Variants in ATP10B observed in about 807,000 individuals in gnomAD.
ATP10B encodes ATPase phospholipid transporting 10B (putative).
A neutral mutation model predicts 141.2 loss-of-function variants in ATP10B; 122 were observed. That is an observed-to-expected ratio of 0.86 (90% CI 0.75 to 1.00). The LOEUF is 1.00. ATP10B is among the 50% of genes least tolerant of loss of function. The probability of loss-of-function intolerance (pLI) is 0.00; values close to 1 mark genes in which losing one functional copy is unlikely to be tolerated. For synonymous variants in ATP10B, 685 were observed against 692.0 expected (o/e 0.99, Z 0.16); for missense variants, 1,876 against 1,825.3 (o/e 1.03, Z -0.51).
intron 7 of ATP10B, among the ~76,000 whole-genome samples, chr5:160,663,076 A>G (rs1762056460): frequency 1.3e-5 from 2 of 152,226 alleles, no homozygotes; most frequent in African/African-American, 2.4e-5. Context: ...ATGCAAATCA[A>G]AACCACAATG....
At chr5:160,573,647 T>C (rs11955571) in intron 24 of ATP10B, among the ~76,000 whole-genome samples, 2,105 of 152,250 alleles carry the variant, frequency 0.014, 45 homozygotes, top group African/African-American at 0.047. Context: ...GGGATCTAGG[T>C]TGCATGCTCC....
intron 1 of ATP10B, among the ~76,000 whole-genome samples, chr5:160,813,318 G>A (rs10075676): frequency 0.13 from 20,381 of 152,242 alleles, 1,468 homozygotes; most frequent in African/African-American, 0.17. Context: ...CTTAGCAAAC[G>A]ACACACCAGG....
chr5:160,662,898 C>T (rs1221400480), intron 7 of ATP10B, among the ~76,000 whole-genome samples: 2 of 152,216 alleles, frequency 1.3e-5, no homozygotes, highest in African/African-American at 2.4e-5. Flanking sequence ...ATCTACCCAT[C>T]TGACAAAGGG....
At chr5:160,615,809 T>C in intron 17 of ATP10B, 29 bp downstream of exon 17, 1 of 1,600,470 alleles carries the variant, frequency 6.2e-7, no homozygotes, top group Non-Finnish European at 8.6e-7. Context: ...ATTCCTTTTT[T>C]CCTATAATAA....
At chr5:160,835,202 A>T (rs1775342635) in intron 1 of ATP10B, among the ~76,000 whole-genome samples, 2 of 152,146 alleles carry the variant, frequency 1.3e-5, no homozygotes, top group East Asian at 1.9e-4. Flanking sequence ...TGACAAAAAA[A>T]TAACTCGAGA....
chr5:160,865,338 C>G, the ATP10B span, among the ~76,000 whole-genome samples: 1 of 151,974 alleles, frequency 6.6e-6, no homozygotes, highest in Admixed American at 6.6e-5. Context: ...ACACTCTATT[C>G]AATAAATGGT....
At chr5:160,657,535 T>G (rs1761592262) in intron 7 of ATP10B, among the ~76,000 whole-genome samples, 1 of 152,192 alleles carries the variant, frequency 6.6e-6, no homozygotes, top group Non-Finnish European at 1.5e-5. Context: ...GAGACTATCT[T>G]AAGGATTTTT....
intron 1 of ATP10B, among the ~76,000 whole-genome samples, chr5:160,804,489 T>A (rs962944757): frequency 2.6e-5 from 4 of 152,186 alleles, no homozygotes; most frequent in Admixed American, 2.0e-4. Context: ...AATGGATGAG[T>A]ACTGACATTT....
intron 11 of ATP10B, among the ~76,000 whole-genome samples, chr5:160,635,695 T>C (rs1181540991): frequency 6.6e-6 from 1 of 152,220 alleles, no homozygotes; most frequent in East Asian, 1.9e-4. Flanking sequence ...TCAATTACTG[T>C]CTCACATTTG....
intron 1 of ATP10B, among the ~76,000 whole-genome samples, chr5:160,797,247 G>T (rs1772012366): frequency 6.6e-6 from 1 of 152,168 alleles, no homozygotes. Context: ...CCGGCCCACA[G>T]ATACAGCAAG....
the ATP10B span, among the ~76,000 whole-genome samples, chr5:160,899,877 T>C: frequency 6.6e-6 from 1 of 152,130 alleles, no homozygotes; most frequent in East Asian, 1.9e-4. Flanking sequence ...TTTCCCAGAG[T>C]GTGAGACAGC....
chr5:160,770,132 TTCTC>T (rs1169982678), intron 2 of ATP10B, among the ~76,000 whole-genome samples: 1 of 152,072 alleles, frequency 6.6e-6, no homozygotes, highest in Non-Finnish European at 1.5e-5. Context: ...TTCTGTCTCT[TTCTC>T]TCTGTGTCTC....
In ATP10B at chr5:160,672,939, A is replaced by G. The variant is rs1191930206; in HGVS notation, c.471-2272T>C. On this transcript the variant is annotated intron_variant, in intron 6 of 25. Coordinates refer to ENST00000327245, the MANE Select transcript of ATP10B (RefSeq NM_025153.3). The stretch of plus-strand genomic sequence containing the variant: ...TCCTGGTTATAAAAGATCTTCTCAG[A>G]AGACTTCCCCAGCCACCTGAAATAA... Among the ~76,000 whole-genome samples the G allele has an allele frequency of 3.3e-5, 5 of 152,220 alleles. 1 individual carries two copies. The highest frequency in any genetic ancestry group is 4.4e-5 in the Non-Finnish European group (3 of 68,038).
chr5:160,829,533 A>G (rs1774913512), intron 1 of ATP10B, among the ~76,000 whole-genome samples: 1 of 152,068 alleles, frequency 6.6e-6, no homozygotes, highest in Non-Finnish European at 1.5e-5. Context: ...ATAGCATTGA[A>G]TCTCTAAATT....
chr5:160,631,073 G>C (rs1257052960), intron 13 of ATP10B, among the ~76,000 whole-genome samples: 2 of 152,128 alleles, frequency 1.3e-5, no homozygotes, highest in African/African-American at 4.8e-5. Flanking sequence ...GTATTCATGG[G>C]GGAAATAAAA....
At chr5:160,787,256 A>G (rs1458125006) in intron 1 of ATP10B, among the ~76,000 whole-genome samples, 3 of 152,180 alleles carry the variant, frequency 2.0e-5, no homozygotes, top group African/African-American at 7.2e-5. Context: ...TTGCATTCCC[A>G]CACAAGGACA....
intron 2 of ATP10B, among the ~76,000 whole-genome samples, chr5:160,764,465 A>T (rs780621081): frequency 6.6e-6 from 1 of 152,300 alleles, no homozygotes; most frequent in African/African-American, 2.4e-5. Context: ...TAGAAATCAC[A>T]TGATCATCTC....
intron 1 of ATP10B, among the ~76,000 whole-genome samples, chr5:160,786,058 C>T (rs939155155): frequency 9.9e-5 from 15 of 152,118 alleles, no homozygotes; most frequent in African/African-American, 3.4e-4. Context: ...CAGCTAAATG[C>T]CTAATTGCTC....
chr5:160,808,424 T>A (rs548575922), intron 1 of ATP10B, among the ~76,000 whole-genome samples: 2 of 152,320 alleles, frequency 1.3e-5, no homozygotes, highest in African/African-American at 4.8e-5. Context: ...ATGGCTTTGG[T>A]GACTTCAAAA....
Sources: gnomAD v4.1 joint callset for allele counts (sites outside exome capture counted in the v4.1 genomes callset) on GRCh38, gnomAD v4.1.1 for gene constraint, MANE v1.5 for transcripts, NCBI Gene and HGNC (gene_info 2026-07-23, HGNC 2026-07-21) for gene names.